KCTD3: variants seen among roughly 807,000 people sequenced by gnomAD.
KCTD3 encodes the protein BTB/POZ domain-containing protein KCTD3.
Under a neutral mutation model 85.8 loss-of-function variants are expected in KCTD3, and 41 were observed. The ratio of observed to expected loss-of-function variants is 0.48; its 90% CI spans 0.37 to 0.62. The LOEUF is 0.62. Among genes scored for constraint, KCTD3 ranks in the 20% least tolerant of loss-of-function variants. The probability of loss-of-function intolerance (pLI) is 0.00; values close to 1 mark genes in which losing one functional copy is unlikely to be tolerated. For synonymous variants in KCTD3, 338 were observed against 345.4 expected (o/e 0.98, Z 0.24); for missense variants, 724 against 989.9 (o/e 0.73, Z 3.60).
At chr1:215,599,540 A>G (rs1325573363) in intron 10 of KCTD3, among the ~76,000 whole-genome samples, 3 of 152,154 alleles carry the variant, frequency 2.0e-5, no homozygotes, top group African/African-American at 4.8e-5. Flanking sequence ...CTTCCATTTT[A>G]TATTTGTGAC....
In KCTD3 at chr1:215,617,626, G is replaced by GA. The variant is rs1655502738; in HGVS notation, c.1563-1259dup. Among the ~76,000 whole-genome samples the GA allele has an allele frequency of 1.3e-5, 2 of 151,652 alleles. 1 individual carries two copies. Among genetic ancestry groups the GA allele is most frequent in the South Asian group, 4.2e-4 (2 of 4,800 alleles). ...TAGAGAAATTGTCATTTCAGAAGGG[G>GA]ATAGCTGACCTCTCTCTTCCTACAT... On this transcript the variant is annotated intron_variant, in intron 15 of 17. Coordinates refer to ENST00000259154, the MANE Select transcript of KCTD3 (RefSeq NM_016121.5).
chr1:215,617,568 A>G (rs1438157350), intron 15 of KCTD3, among the ~76,000 whole-genome samples: 4 of 151,952 alleles, frequency 2.6e-5, no homozygotes, highest in Non-Finnish European at 5.9e-5. Context: ...AATAGGCCAA[A>G]TTGGTATATT....
intron 15 of KCTD3, among the ~76,000 whole-genome samples, chr1:215,617,353 C>T (rs1044644520): frequency 4.6e-5 from 7 of 152,172 alleles, no homozygotes; most frequent in South Asian, 2.1e-4. Context: ...TGTGATCAGC[C>T]TCTGAAGTGG....
intron 13 of KCTD3, among the ~76,000 whole-genome samples, chr1:215,607,563 C>A (rs1172694849): frequency 1.3e-5 from 2 of 151,928 alleles, no homozygotes; most frequent in Non-Finnish European, 2.9e-5. Context: ...TAGCTGATTG[C>A]TCAAGATGTT....
Position 215,619,384 on chromosome 1 carries a change from A to C in KCTD3, c.1886+93A>C, listed in dbSNP as rs1369654580. 4.7e-6 allele frequency: 5 copies of C among 1,071,400 alleles called. No individual in the cohort carries two copies. In the South Asian group the frequency reaches 8.4e-5, roughly 18 times the overall value. 66.4% of individuals were successfully genotyped at this position (1,071,400 alleles called of 1,614,324 possible). On this transcript the variant is annotated intron_variant, in intron 17 of 17. Coordinates refer to ENST00000259154, the MANE Select transcript of KCTD3 (RefSeq NM_016121.5). ...AATCACATAGTTGTTCTAGAAAGCC[A>C]TACTTCTCAAGGTACATTTTAAATT... is the stretch of plus-strand genomic sequence containing the variant.
intron 1 of KCTD3, among the ~76,000 whole-genome samples, chr1:215,570,768 T>C (rs1659329405): frequency 6.6e-6 from 1 of 152,186 alleles, no homozygotes; most frequent in Non-Finnish European, 1.5e-5. Context: ...TTGCATGAAG[T>C]ATAACTGTGG....
intron 15 of KCTD3, among the ~76,000 whole-genome samples, chr1:215,617,730 G>A (rs572721620): frequency 1.3e-5 from 2 of 149,642 alleles, no homozygotes; most frequent in Middle Eastern, 3.3e-3. Flanking sequence ...GGCTGCAGTG[G>A]ACCTGAGTGA....
In KCTD3 at chr1:215,586,608, A is replaced by G; in HGVS notation, c.740A>G (p.Asp247Gly). 6.2e-7 allele frequency: 1 copy of G among 1,614,148 alleles called. No homozygotes were observed. The highest frequency in any genetic ancestry group is 8.5e-7 in the Non-Finnish European group (1 of 1,180,032). Residue 247 changes from aspartate (D) to glycine (G), a missense_variant, in exon 9 of 18, where the codon GAC becomes GGC. Around this residue, in one of 6 missense-constraint regions of KCTD3, gnomAD observed 146 missense variants for 320.3 expected, o/e 0.46. Coordinates refer to ENST00000259154, the MANE Select transcript of KCTD3 (RefSeq NM_016121.5). ...KVVGGPHGDKDKMVAVASESS... is the reference protein window; with the variant it reads ...KVVGGPHGDKGKMVAVASESS... ...GTTGGAGGGCCACATGGAGACAAAG[A>G]CAAAATGGTTGCTGTTGCCTCAGAG...
intron 1 of KCTD3, among the ~76,000 whole-genome samples, chr1:215,570,342 A>G (rs1162246319): frequency 1.3e-5 from 2 of 152,144 alleles, no homozygotes; most frequent in Non-Finnish European, 2.9e-5. Context: ...CAGAAAGTAG[A>G]GTAGATGAAG....
In KCTD3 at chr1:215,595,396, T is replaced by C. The variant is rs1660378277; in HGVS notation, c.858T>C (p.Phe286=). 3.1e-6 allele frequency: 5 copies of C among 1,613,830 alleles called. No individual in the cohort carries two copies. The highest frequency in any genetic ancestry group is 4.2e-6 in the Non-Finnish European group (5 of 1,179,760). Residue 286 remains phenylalanine, a synonymous_variant, in exon 10 of 18, where the codon TTT becomes TTC. Transcript: ENST00000259154. ...SLGVPVDALF[F]IGNQLVATSH... ...GTGTTCCTGTAGATGCTCTCTTCTT[T>C]ATTGGTAACCAGTTGGTGGCCACGA...
At chr1:215,596,091 G>A (rs1660406671) in intron 10 of KCTD3, among the ~76,000 whole-genome samples, 1 of 152,090 alleles carries the variant, frequency 6.6e-6, no homozygotes, top group Admixed American at 6.5e-5. Flanking sequence ...GAGTACATTT[G>A]AAGAATATTT....
intron 10 of KCTD3, among the ~76,000 whole-genome samples, chr1:215,600,316 G>A (rs535651327): frequency 3.6e-4 from 55 of 152,240 alleles, no homozygotes; most frequent in African/African-American, 1.3e-3. Context: ...AGTTATTTCT[G>A]TTTTTAATTA....
intron 15 of KCTD3, among the ~76,000 whole-genome samples, chr1:215,613,643 T>G (rs2102603586): frequency 6.6e-6 from 1 of 152,306 alleles, no homozygotes; most frequent in Admixed American, 6.5e-5. Flanking sequence ...GTTTTACATT[T>G]AAGTCTTTAC....
chr1:215,578,731 C>T (rs1304636442), intron 6 of KCTD3, among the ~76,000 whole-genome samples: 2 of 152,066 alleles, frequency 1.3e-5, no homozygotes, highest in African/African-American at 2.4e-5. Flanking sequence ...GAATTAATTA[C>T]CCATTAATTC....
chr1:215,577,462 G>A (rs942408030), intron 4 of KCTD3, among the ~76,000 whole-genome samples: 1 of 152,040 alleles, frequency 6.6e-6, no homozygotes, highest in African/African-American at 2.4e-5. Flanking sequence ...TGGTTTTTAA[G>A]TAGATAACAG....
Position 215,579,734 on chromosome 1 carries a change from A to G in KCTD3, c.536-175A>G, listed in dbSNP as rs188276317. ...AGTATGGTCTCGATCCCCTGACCTC[A>G]TGATCCGCCCGCCTCGGCCTCCCAA... On this transcript the variant is annotated intron_variant, in intron 7 of 17. Coordinates refer to ENST00000259154, the MANE Select transcript of KCTD3 (RefSeq NM_016121.5). Among the ~76,000 whole-genome samples the G allele has an allele frequency of 8.6e-3, 1,310 of 152,128 alleles. 15 individuals carry two copies. The highest frequency in any genetic ancestry group is 0.03 in the African/African-American group (1,253 of 41,512).
intron 1 of KCTD3, 79 bp downstream of exon 1, chr1:215,567,847 G>T (rs1271687121): frequency 4.0e-6 from 4 of 997,096 alleles, no homozygotes; most frequent in Non-Finnish European, 3.9e-6. Flanking sequence ...ACCGAGAGTC[G>T]CAGGAACGAG....
Position 215,567,372 on chromosome 1 carries a change from C to T in KCTD3, c.-314C>T, listed in dbSNP as rs940011849. The T allele has an allele frequency of 7.9e-5, 15 of 190,190 alleles. No individual in the cohort carries two copies. The highest frequency in any genetic ancestry group is 4.9e-4 in the Admixed American group (8 of 16,436). 11.8% of individuals were successfully genotyped at this position (190,190 alleles called of 1,614,324 possible). ...TTTGTCCCGAACGGTGACCCCTCCT[C>T]CCAGGCAGGCTGCGGCGGCGTCGGT... On this transcript the variant is annotated 5_prime_UTR_variant, in exon 1 of 18. Coordinates refer to ENST00000259154, the MANE Select transcript of KCTD3 (RefSeq NM_016121.5).
intron 9 of KCTD3, among the ~76,000 whole-genome samples, chr1:215,590,903 A>G (rs1819740): frequency 0.033 from 5,039 of 152,216 alleles, 202 homozygotes; most frequent in African/African-American, 0.093. Context: ...GAATTATGTT[A>G]CCTTTCTTTA....
Sources: allele counts gnomAD v4.1 joint callset (sites outside exome capture counted in the v4.1 genomes callset), GRCh38; gene constraint gnomAD v4.1.1; regional missense constraint gnomAD v4.1.1; transcripts MANE v1.5; gene names NCBI Gene and HGNC (gene_info 2026-07-23, HGNC 2026-07-21).